MRAP2: variants seen among roughly 807,000 people sequenced by gnomAD.
The protein encoded by MRAP2 is melanocortin-2 receptor accessory protein 2.
MRAP2 carries 20 observed loss-of-function variants against 17.4 expected under a neutral mutation model. The observed-to-expected ratio is 1.15, with a 90% CI of 0.81 to 1.67. MRAP2 has a LOEUF of 1.67. MRAP2 is among the 40% of genes most tolerant of loss of function. MRAP2 has a pLI of 0.00. For synonymous variants in MRAP2, 96 were observed against 88.4 expected (o/e 1.09, Z -0.48); for missense variants, 238 against 240.0 (o/e 0.99, Z 0.05).
chr6:84,080,385 C>G (rs2099498676), intron 3 of MRAP2, among the ~76,000 whole-genome samples: 1 of 152,160 alleles, frequency 6.6e-6, no homozygotes, highest in African/African-American at 2.4e-5. Context: ...ACAACTTTCA[C>G]ATTTCCCTCT....
chr6:84,074,441 C>A (rs2099497076), intron 3 of MRAP2, among the ~76,000 whole-genome samples: 1 of 152,212 alleles, frequency 6.6e-6, no homozygotes, highest in African/African-American at 2.4e-5. Context: ...CTGAGTAAGT[C>A]TGCAAGCTCA....
At chr6:84,053,131 C>T (rs114449607) in intron 1 of MRAP2, among the ~76,000 whole-genome samples, 2,467 of 152,230 alleles carry the variant, frequency 0.016, 67 homozygotes, top group African/African-American at 0.056. Context: ...ACTGCGTGGC[C>T]GTGGGAGAAC....
chr6:84,060,909 C>T (rs1008625517), intron 2 of MRAP2, among the ~76,000 whole-genome samples: 2 of 148,330 alleles, frequency 1.3e-5, no homozygotes, highest in Non-Finnish European at 3.0e-5. Context: ...CTGTCTTAGC[C>T]AGGATGGTTT....
intron 3 of MRAP2, among the ~76,000 whole-genome samples, chr6:84,074,364 TA>T (rs2099497056): frequency 1.3e-5 from 2 of 152,334 alleles, no homozygotes; most frequent in South Asian, 4.1e-4. Context: ...CTAAGACAGT[TA>T]CTTCCTAAAG....
At chr6:84,066,756 G>C (rs2099494804) in intron 3 of MRAP2, among the ~76,000 whole-genome samples, 1 of 152,164 alleles carries the variant, frequency 6.6e-6, no homozygotes, top group African/African-American at 2.4e-5. Flanking sequence ...AAAAAATGTA[G>C]AGTCAAACCT....
intron 1 of MRAP2, among the ~76,000 whole-genome samples, chr6:84,052,354 C>T (rs2099490654): frequency 6.6e-6 from 1 of 152,160 alleles, no homozygotes; most frequent in Admixed American, 6.5e-5. Flanking sequence ...AGATCATGCA[C>T]ACTGTGGCGG....
chr6:84,072,211 G>C (rs1183686102), intron 3 of MRAP2, among the ~76,000 whole-genome samples: 1 of 152,196 alleles, frequency 6.6e-6, no homozygotes, highest in Non-Finnish European at 1.5e-5. Flanking sequence ...GGCTCTGTCA[G>C]AGGGAAACTC....
At chr6:84,069,080 A>T (rs1187086483) in intron 3 of MRAP2, among the ~76,000 whole-genome samples, 2 of 151,838 alleles carry the variant, frequency 1.3e-5, no homozygotes, top group African/African-American at 4.8e-5. Context: ...ACCGATTTGG[A>T]TGCCCTTTAT....
At chr6:84,044,681 A>T (rs903412783) in intron 1 of MRAP2, among the ~76,000 whole-genome samples, 3 of 152,206 alleles carry the variant, frequency 2.0e-5, no homozygotes, top group Non-Finnish European at 4.4e-5. Context: ...TATTCTTCAG[A>T]ATGAATGAGG....
rs1489782646 is a variant in MRAP2 at position 84,057,234 on chromosome 6, C to G, written c.127+1789C>G. Among the ~76,000 whole-genome samples the G allele has an allele frequency of 2.6e-5, 4 of 152,316 alleles. 1 individual carries two copies. The South Asian group carries it at 8.3e-4, about 32-fold the overall frequency. Reference sequence around the variant, plus strand: ...GTACAGTCTCTTTCATTTAAAAATGCTGTGACTCTGACCTTCAAGTATGAC... The same window carrying G: ...GTACAGTCTCTTTCATTTAAAAATGGTGTGACTCTGACCTTCAAGTATGAC... On this transcript the variant is annotated intron_variant, in intron 2 of 3. Transcript: ENST00000257776.
At chr6:84,036,225 G>C (rs1402580467) in intron 1 of MRAP2, among the ~76,000 whole-genome samples, 1 of 151,634 alleles carries the variant, frequency 6.6e-6, no homozygotes, top group African/African-American at 2.4e-5. Flanking sequence ...GAACCCACTG[G>C]TTACTTCAAG....
the MRAP2 span, among the ~76,000 whole-genome samples, chr6:84,111,094 TG>T: frequency 1.3e-5 from 2 of 152,224 alleles, no homozygotes; most frequent in East Asian, 1.9e-4. Flanking sequence ...GCTGTTTTTT[TG>T]GTTCCCTATG....
the MRAP2 span, among the ~76,000 whole-genome samples, chr6:84,134,058 G>A: frequency 6.6e-6 from 1 of 152,234 alleles, no homozygotes. Context: ...GCCCTGCCCA[G>A]AGAGGAGGAA....
the MRAP2 span, among the ~76,000 whole-genome samples, chr6:84,114,939 C>T: frequency 6.6e-6 from 1 of 152,202 alleles, no homozygotes; most frequent in Non-Finnish European, 1.5e-5. Flanking sequence ...CTGTTCCTTT[C>T]TCTGGAAGCT....
chr6:84,102,395 G>T, the MRAP2 span, among the ~76,000 whole-genome samples: 2 of 152,182 alleles, frequency 1.3e-5, no homozygotes, highest in East Asian at 3.9e-4. Flanking sequence ...TAGAGCTTGA[G>T]GGAGATGTGA....
At chr6:84,080,637 A>AT (rs2099498741) in intron 3 of MRAP2, among the ~76,000 whole-genome samples, 1 of 152,176 alleles carries the variant, frequency 6.6e-6, no homozygotes. Context: ...TTTAAGTTCA[A>AT]TTTTGTCTGT....
the MRAP2 span, among the ~76,000 whole-genome samples, chr6:84,139,623 G>GT: frequency 1.3e-5 from 2 of 152,128 alleles, no homozygotes; most frequent in Admixed American, 1.3e-4. Context: ...CTGGTAAAAG[G>GT]TAAGAATTCT....
intron 1 of MRAP2, among the ~76,000 whole-genome samples, chr6:84,042,133 A>G (rs773701405): frequency 1.4e-4 from 22 of 152,054 alleles, no homozygotes; most frequent in Non-Finnish European, 2.9e-4. Context: ...TTCTCATGAG[A>G]GCTGATGGTT....
At chr6:84,099,661 T>C in the MRAP2 span, among the ~76,000 whole-genome samples, 1 of 152,134 alleles carries the variant, frequency 6.6e-6, no homozygotes, top group African/African-American at 2.4e-5. Context: ...CTGCTCCCCC[T>C]GTGCCTTCTC....
Sources: allele counts gnomAD v4.1 joint callset (sites outside exome capture counted in the v4.1 genomes callset), GRCh38; gene constraint gnomAD v4.1.1; transcripts MANE v1.5; gene names NCBI Gene and HGNC (gene_info 2026-07-23, HGNC 2026-07-21).